The following RAB38 variants were observed in gnomAD, a reference collection of about 807,000 sequenced individuals.
RAB38 encodes ras-related protein Rab-38.
In RAB38, 15 loss-of-function variants were observed where a neutral mutation model predicts 18.4. That is an observed-to-expected ratio of 0.82 (90% CI 0.55 to 1.26). The LOEUF (loss-of-function observed/expected upper bound fraction) is 1.26. RAB38 is among the 50% of genes most tolerant of loss of function. The probability of loss-of-function intolerance (pLI) is 0.00; values close to 1 mark genes in which losing one functional copy is unlikely to be tolerated. For missense variants in RAB38, 294 were observed against 267.4 expected (o/e 1.10, Z -0.69); for synonymous variants, 101 against 104.4 (o/e 0.97, Z 0.20).
At chr11:88,101,097 T>A in the RAB38 span, among the ~76,000 whole-genome samples, 1 of 152,074 alleles carries the variant, frequency 6.6e-6, no homozygotes, top group Admixed American at 6.6e-5. Context: ...TATCACTCCC[T>A]CCCCAACACA....
chr11:88,175,145 G>A (rs1424168842), intron 1 of RAB38, 38 bp downstream of exon 1: 6 of 1,519,420 alleles, frequency 3.9e-6, no homozygotes, highest in Non-Finnish European at 5.3e-6. Context: ...CCGGCCGCGA[G>A]GCGCTCTATC....
At chr11:87,812,066 T>C in the RAB38 span, among the ~76,000 whole-genome samples, 1 of 152,212 alleles carries the variant, frequency 6.6e-6, no homozygotes, top group East Asian at 1.9e-4. Context: ...TGGAGGTTTC[T>C]AGAGAATTTC....
intron 2 of RAB38, among the ~76,000 whole-genome samples, chr11:88,144,217 G>A (rs181507292): frequency 1.3e-5 from 2 of 152,210 alleles, no homozygotes; most frequent in East Asian, 3.9e-4. Flanking sequence ...TAAGTATAAC[G>A]AGCTCAAATC....
chr11:88,144,024 CA>C (rs1180442602), intron 2 of RAB38, among the ~76,000 whole-genome samples: 1 of 152,170 alleles, frequency 6.6e-6, no homozygotes, highest in Non-Finnish European at 1.5e-5. Context: ...CTTCAGAAAA[CA>C]ATTTTCATTC....
the RAB38 span, among the ~76,000 whole-genome samples, chr11:88,022,619 A>AAAAC: frequency 6.9e-6 from 1 of 145,090 alleles, no homozygotes; most frequent in Non-Finnish European, 1.5e-5. Context: ...CACAAAAAAA[A>AAAAC]AAAAAAAAAA....
chr11:88,084,351 C>T, the RAB38 span, among the ~76,000 whole-genome samples: 2 of 151,384 alleles, frequency 1.3e-5, no homozygotes, highest in African/African-American at 4.9e-5. Flanking sequence ...ATGTCATCTG[C>T]TTTGAAAGGG....
chr11:87,815,279 T>A, the RAB38 span: 2 of 152,096 alleles, frequency 1.3e-5, no homozygotes, highest in African/African-American at 4.8e-5. Context: ...GAATGGGAGA[T>A]CAAAGGGCTA....
the RAB38 span, among the ~76,000 whole-genome samples, chr11:87,927,914 A>G: frequency 5.3e-5 from 8 of 151,884 alleles, no homozygotes; most frequent in African/African-American, 1.9e-4. Context: ...CAACATAAAC[A>G]ATTTGAAAAA....
chr11:87,963,734 C>G, the RAB38 span, among the ~76,000 whole-genome samples: 1 of 151,312 alleles, frequency 6.6e-6, no homozygotes, highest in Non-Finnish European at 1.5e-5. Context: ...GCAACTTCTG[C>G]CTCCCGGGTT....
chr11:87,931,945 G>T, the RAB38 span, among the ~76,000 whole-genome samples: 1 of 151,924 alleles, frequency 6.6e-6, no homozygotes, highest in Non-Finnish European at 1.5e-5. Context: ...AGGAGGGGTG[G>T]GGTGGGGTGG....
the RAB38 span, among the ~76,000 whole-genome samples, chr11:87,851,476 A>C: frequency 6.6e-6 from 1 of 152,206 alleles, no homozygotes; most frequent in East Asian, 1.9e-4. Context: ...AACGAGTGGG[A>C]ATGTTGAAAG....
At chr11:87,929,810 C>T in the RAB38 span, among the ~76,000 whole-genome samples, 59 of 147,420 alleles carry the variant, frequency 4.0e-4, no homozygotes, top group African/African-American at 6.8e-4. Context: ...TGAGAACATG[C>T]GGTGTTTGAT....
At chr11:88,055,539 T>C in the RAB38 span, among the ~76,000 whole-genome samples, 1 of 152,136 alleles carries the variant, frequency 6.6e-6, no homozygotes, top group Non-Finnish European at 1.5e-5. Flanking sequence ...CAATCACATA[T>C]TATTACATTC....
At chr11:87,969,787 A>G in the RAB38 span, among the ~76,000 whole-genome samples, 1 of 152,142 alleles carries the variant, frequency 6.6e-6, no homozygotes, top group African/African-American at 2.4e-5. Context: ...TGGCCTAGCA[A>G]AAAGGTAACA....
the RAB38 span, among the ~76,000 whole-genome samples, chr11:87,928,447 T>A: frequency 2.0e-5 from 3 of 152,078 alleles, no homozygotes; most frequent in African/African-American, 7.2e-5. Context: ...TGAGTCATCC[T>A]TATTGTGTAT....
At chr11:88,107,435 G>T in the RAB38 span, among the ~76,000 whole-genome samples, 2 of 151,406 alleles carry the variant, frequency 1.3e-5, no homozygotes, top group African/African-American at 4.9e-5. Flanking sequence ...AATAAGCATA[G>T]TAGTATCATA....
the RAB38 span, among the ~76,000 whole-genome samples, chr11:88,083,345 AATTTAT>A: frequency 9.9e-5 from 15 of 151,886 alleles, no homozygotes; most frequent in Non-Finnish European, 1.9e-4. Context: ...AAGACACAGA[AATTTAT>A]ATTTATAGAA....
At chr11:87,964,312 C>G in the RAB38 span, among the ~76,000 whole-genome samples, 1 of 152,028 alleles carries the variant, frequency 6.6e-6, no homozygotes, top group Non-Finnish European at 1.5e-5. Flanking sequence ...GTGTGATATT[C>G]TCTGCTTGAA....
chr11:87,921,153 C>T, the RAB38 span, among the ~76,000 whole-genome samples: 1 of 152,054 alleles, frequency 6.6e-6, no homozygotes, highest in African/African-American at 2.4e-5. Context: ...CTATGTATAA[C>T]TACAGACAGT....
Sources: gnomAD v4.1 joint callset for allele counts (sites outside exome capture counted in the v4.1 genomes callset) on GRCh38, gnomAD v4.1.1 for gene constraint, MANE v1.5 for transcripts, NCBI Gene and HGNC (gene_info 2026-07-23, HGNC 2026-07-21) for gene names.